CNOT2: variants seen among roughly 807,000 people sequenced by gnomAD.
CNOT2 encodes CC chemokine receptor 4-negative regulator of transcription 2.
A neutral mutation model predicts 72.1 loss-of-function variants in CNOT2; 7 were observed. The ratio of observed to expected loss-of-function variants is 0.10; its 90% CI spans 0.06 to 0.18. CNOT2 has a LOEUF of 0.18. CNOT2 is among the 10% of genes least tolerant of loss of function. The probability of loss-of-function intolerance (pLI) is 1.00; values close to 1 mark genes in which losing one functional copy is unlikely to be tolerated. For missense variants in CNOT2, 345 were observed against 660.3 expected (o/e 0.52, Z 5.23); for synonymous variants, 196 against 225.6 (o/e 0.87, Z 1.17).
rs139092321 is a variant in CNOT2, at chr12:70,329,480, G to C, written c.296G>C (p.Ser99Thr). The C allele has an allele frequency of 1.2e-6, 2 of 1,611,932 alleles. No homozygotes were observed. The highest frequency in any genetic ancestry group is 1.7e-6 in the Non-Finnish European group (2 of 1,178,594). ...AACAATACCCCTCAGTTAAATCGCA[G>C]CTTATCACAAGGCACTCAGTTACCG... is the stretch of plus-strand genomic sequence containing the variant. ...MSNNTPQLNR[S>T]LSQGTQLPSH... The change falls in exon 5 of 16, where the codon AGC becomes ACC. Residue 99 changes from serine (S) to threonine (T), a missense_variant. By Grantham distance (58) the Ser-to-Thr change is moderately conservative (BLOSUM62 1). This residue lies in a region of CNOT2 where 157 missense variants were observed against 235.3 expected (regional missense o/e 0.67). Coordinates refer to ENST00000229195, the MANE Select transcript of CNOT2 (RefSeq NM_014515.7).
chr12:70,288,136 C>CTTTT lies in CNOT2; in HGVS notation c.48+9883_48+9886dup, dbSNP rs68143994. ...GGGTTATTACAATTATGGTGTAGCT[C>CTTTT]TTTTTTTTTTTTTTTTTTTTTTTTG... On this transcript the variant is annotated intron_variant, in intron 2 of 15. Coordinates refer to ENST00000229195, the MANE Select transcript of CNOT2 (RefSeq NM_014515.7). Among the ~76,000 whole-genome samples the CTTTT allele has an allele frequency of 1.7e-3, 148 of 86,692 alleles. 1 individual carries two copies. The highest frequency in any genetic ancestry group is 3.7e-3 in the African/African-American group (87 of 23,424). 56.9% of individuals were successfully genotyped at this position (86,692 alleles called of 152,430 possible).
intron 3 of CNOT2, among the ~76,000 whole-genome samples, chr12:70,316,269 T>C (rs1442055122): frequency 6.6e-6 from 1 of 152,216 alleles, no homozygotes; most frequent in Non-Finnish European, 1.5e-5. Context: ...AATTTACCTT[T>C]ATATTATTAA....
chr12:70,274,670 T>C (rs994389322), intron 1 of CNOT2, among the ~76,000 whole-genome samples: 4 of 152,102 alleles, frequency 2.6e-5, no homozygotes, highest in African/African-American at 9.7e-5. Flanking sequence ...ATCTAAGTCA[T>C]TTTATTTTAT....
chr12:70,314,301 T>C (rs930854924), intron 3 of CNOT2, among the ~76,000 whole-genome samples: 4 of 152,146 alleles, frequency 2.6e-5, no homozygotes, highest in Admixed American at 2.6e-4. Context: ...GCTACCTGAT[T>C]TGCTAGCTGT....
intron 2 of CNOT2, chr12:70,297,809 C>T (rs1211706364): frequency 9.3e-6 from 3 of 321,728 alleles, no homozygotes; most frequent in Non-Finnish European, 1.2e-5. Flanking sequence ...GTCATCTTGG[C>T]TCACTGCAAC....
chr12:70,338,340 C>A, intron 9 of CNOT2, 103 bp from the exon 10 acceptor site: 3 of 940,640 alleles, frequency 3.2e-6, no homozygotes, highest in Non-Finnish European at 4.6e-6. Flanking sequence ...ATTTAACTAC[C>A]AATTTAAATG....
chr12:70,294,869 A>G (rs1386978300), intron 2 of CNOT2, among the ~76,000 whole-genome samples: 1 of 152,208 alleles, frequency 6.6e-6, no homozygotes, highest in Admixed American at 6.5e-5. Flanking sequence ...TAACAAAAAT[A>G]AGTATAGATA....
intron 1 of CNOT2, among the ~76,000 whole-genome samples, chr12:70,255,831 T>C (rs1958412864): frequency 6.6e-6 from 1 of 152,182 alleles, no homozygotes; most frequent in African/African-American, 2.4e-5. Context: ...AGCAAATAAC[T>C]CATATCTAAA....
intron 2 of CNOT2, among the ~76,000 whole-genome samples, chr12:70,284,261 T>C (rs1870460837): frequency 6.6e-6 from 1 of 151,544 alleles, no homozygotes; most frequent in African/African-American, 2.4e-5. Context: ...TTTTTTCTTT[T>C]TGAGACAGGG....
At chr12:70,305,790 C>G (rs975786857) in intron 2 of CNOT2, among the ~76,000 whole-genome samples, 3 of 151,566 alleles carry the variant, frequency 2.0e-5, no homozygotes, top group African/African-American at 7.3e-5. Context: ...TTCGTTGGTT[C>G]CCTAATTGCC....
intron 5 of CNOT2, 31 bp downstream of exon 5, chr12:70,329,601 A>C: frequency 6.5e-7 from 1 of 1,537,200 alleles, no homozygotes. Flanking sequence ...ATATTTTTCA[A>C]AATGTATCTT....
At chr12:70,320,565 C>T in intron 4 of CNOT2, among the ~76,000 whole-genome samples, 1 of 151,818 alleles carries the variant, frequency 6.6e-6, no homozygotes. Context: ...TGTTTATCTA[C>T]AAATATTTAT....
intron 2 of CNOT2, among the ~76,000 whole-genome samples, chr12:70,283,658 A>AG (rs111542618): frequency 0.1 from 14,548 of 138,728 alleles, 857 homozygotes; most frequent in Admixed American, 0.2. Flanking sequence ...AAAAAAAAAA[A>AG]AAAAAAAAAG....
chr12:70,319,047 CAAGT>C (rs1877847219), intron 3 of CNOT2: 2 of 298,538 alleles, frequency 6.7e-6, no homozygotes, highest in East Asian at 1.1e-4. Flanking sequence ...TGCTGTAACT[CAAGT>C]TAGTGTGACT....
In CNOT2 at chr12:70,302,565, A is replaced by G. The variant is rs558179767; in HGVS notation, c.49-8330A>G. Among the ~76,000 whole-genome samples, 642 of 152,194 alleles carry G rather than the reference A, an allele frequency of 4.2e-3. 2 individuals carry two copies. Among genetic ancestry groups the G allele is most frequent in the Non-Finnish European group, 7.7e-3 (524 of 68,010 alleles). ...TAATCCCGAGTTCTAGTTTGATTGC[A>G]CTGTGGTCTGAGAGACAGTTTGTTA... On this transcript the variant is annotated intron_variant, in intron 2 of 15. Transcript: ENST00000229195.
At chr12:70,259,042 TCA>T (rs769038888) in intron 1 of CNOT2, among the ~76,000 whole-genome samples, 9 of 152,204 alleles carry the variant, frequency 5.9e-5, no homozygotes, top group Non-Finnish European at 1.3e-4. Flanking sequence ...TATATACTCT[TCA>T]CAGTTGTTAC....
At chr12:70,252,933 A>G (rs957987772) in intron 1 of CNOT2, among the ~76,000 whole-genome samples, 1 of 152,194 alleles carries the variant, frequency 6.6e-6, no homozygotes, top group African/African-American at 2.4e-5. Flanking sequence ...AATTAGCCAC[A>G]ATTTATTTCA....
intron 2 of CNOT2, among the ~76,000 whole-genome samples, chr12:70,285,240 T>A (rs1275499624): frequency 1.3e-5 from 2 of 151,924 alleles, no homozygotes; most frequent in African/African-American, 4.8e-5. Flanking sequence ...GACGAACTCT[T>A]GCTCTGTTGC....
chr12:70,288,299 ATGTT>A (rs1402261714), intron 2 of CNOT2, among the ~76,000 whole-genome samples: 1 of 151,640 alleles, frequency 6.6e-6, no homozygotes, highest in African/African-American at 2.4e-5. Flanking sequence ...ACCTGCCACC[ATGTT>A]CAGCTAATTT....
Sources: gnomAD v4.1 joint callset for allele counts (sites outside exome capture counted in the v4.1 genomes callset) on GRCh38, gnomAD v4.1.1 for gene constraint, gnomAD v4.1.1 regional missense constraint, MANE v1.5 for transcripts, NCBI Gene and HGNC (gene_info 2026-07-23, HGNC 2026-07-21) for gene names.